Variants in SEMA5A observed in about 807,000 individuals in gnomAD.
SEMA5A encodes the protein semaphorin-5A.
A neutral mutation model predicts 135.5 loss-of-function variants in SEMA5A; 55 were observed. The observed-to-expected ratio is 0.41, with a 90% CI of 0.33 to 0.51. The LOEUF (loss-of-function observed/expected upper bound fraction) is 0.51. SEMA5A is among the 20% of genes least tolerant of loss of function. The pLI, the probability that SEMA5A is intolerant of heterozygous loss-of-function variation, is 0.37. For synonymous variants in SEMA5A, 580 were observed against 546.5 expected, an observed-to-expected ratio of 1.06 and a Z score of -0.85; for missense variants, 1,290 against 1,419.9, an observed-to-expected ratio of 0.91 and a Z score of 1.47.
chr5:9,416,495 C>T (rs181240853), intron 2 of SEMA5A, among the ~76,000 whole-genome samples: 75 of 152,272 alleles, frequency 4.9e-4, no homozygotes, highest in African/African-American at 1.6e-3. Flanking sequence ...GTAGTCAGGG[C>T]ATGCCTACCT....
At chr5:9,467,240 A>AT (rs1489329865) in intron 1 of SEMA5A, among the ~76,000 whole-genome samples, 1 of 152,026 alleles carries the variant, frequency 6.6e-6, no homozygotes, top group Non-Finnish European at 1.5e-5. Context: ...AGCCTCCTGA[A>AT]TAGCTGGGAT....
chr5:9,169,064 T>C (rs1223679914), intron 11 of SEMA5A, among the ~76,000 whole-genome samples: 1 of 152,056 alleles, frequency 6.6e-6, no homozygotes, highest in East Asian at 1.9e-4. Context: ...ATCCTGGGGG[T>C]CTAATGTACA....
At chr5:9,049,349 A>G (rs1184253913) in intron 21 of SEMA5A, among the ~76,000 whole-genome samples, 1 of 152,052 alleles carries the variant, frequency 6.6e-6, no homozygotes, top group East Asian at 1.9e-4. Context: ...TTTGGTACAG[A>G]TGGCATTTCG....
intron 12 of SEMA5A, among the ~76,000 whole-genome samples, chr5:9,146,190 C>T (rs528568515): frequency 3.3e-5 from 5 of 152,226 alleles, no homozygotes; most frequent in Admixed American, 3.3e-4. Context: ...CCAGCCCAAG[C>T]CTACCTTGGA....
intron 5 of SEMA5A, among the ~76,000 whole-genome samples, chr5:9,280,236 T>C (rs893964016): frequency 2.0e-5 from 3 of 152,214 alleles, no homozygotes; most frequent in African/African-American, 7.2e-5. Flanking sequence ...AGCAGATATC[T>C]CTGTATTCAA....
intron 4 of SEMA5A, among the ~76,000 whole-genome samples, chr5:9,332,677 G>A (rs1448489275): frequency 6.6e-6 from 1 of 152,170 alleles, no homozygotes; most frequent in Non-Finnish European, 1.5e-5. Context: ...ATTACATCAG[G>A]TATGTGAGGC....
At position 9,339,092 on chromosome 5, in the gene SEMA5A, CA is replaced by C. The variant is rs1753527365; in HGVS notation, c.125-1281del. ...CATATAAATTTCTACATTTTATAGG[CA>C]AATCAATTAAAATACGTAGAACAAG... On this transcript the variant is annotated intron_variant, in intron 3 of 22. Transcript: ENST00000382496. Among the ~76,000 whole-genome samples the C allele has an allele frequency of 2.0e-5, 3 of 151,794 alleles. No individual in the cohort carries two copies. In the South Asian group the frequency reaches 6.2e-4, roughly 32 times the overall value.
At chr5:9,513,235 G>C (rs1442391304) in intron 1 of SEMA5A, among the ~76,000 whole-genome samples, 1 of 151,690 alleles carries the variant, frequency 6.6e-6, no homozygotes, top group South Asian at 2.1e-4. Context: ...GGTAAATTTA[G>C]GGATGTTAAT....
intron 11 of SEMA5A, among the ~76,000 whole-genome samples, chr5:9,187,759 C>A (rs373423311): frequency 6.6e-6 from 1 of 152,176 alleles, no homozygotes; most frequent in Non-Finnish European, 1.5e-5. Context: ...CGAATCTCTG[C>A]GAAATGCATT....
At chr5:9,360,347 C>T (rs1754637871) in intron 3 of SEMA5A, among the ~76,000 whole-genome samples, 1 of 152,066 alleles carries the variant, frequency 6.6e-6, no homozygotes, top group Non-Finnish European at 1.5e-5. Flanking sequence ...ACAAAAGAGA[C>T]ATTTTAATAG....
intron 8 of SEMA5A, among the ~76,000 whole-genome samples, chr5:9,224,028 G>A (rs747250267): frequency 2.0e-5 from 3 of 152,142 alleles, no homozygotes; most frequent in Non-Finnish European, 4.4e-5. Flanking sequence ...TGCCACATGT[G>A]GATGCAATAC....
In SEMA5A at chr5:9,201,938, T is replaced by C. The variant is rs371304887; in HGVS notation, c.932+17A>G. 2.4e-5 allele frequency: 39 copies of C among 1,605,046 alleles called. No homozygotes were observed. The highest frequency in any genetic ancestry group is 5.4e-5 in the African/African-American group (4 of 74,638). On this transcript the variant is annotated intron_variant, in intron 9 of 22. Coordinates refer to ENST00000382496, the MANE Select transcript of SEMA5A (RefSeq NM_003966.3). ...TGAGTAAGAGAGAGGGGAGAAAAATTATTTCAAGTTACATACACATTGGTG... is the reference window on the plus strand; with the variant it reads ...TGAGTAAGAGAGAGGGGAGAAAAATCATTTCAAGTTACATACACATTGGTG...
intron 5 of SEMA5A, among the ~76,000 whole-genome samples, chr5:9,251,427 C>G (rs1441927502): frequency 6.6e-6 from 1 of 152,138 alleles, no homozygotes; most frequent in Non-Finnish European, 1.5e-5. Flanking sequence ...AGAATTCACA[C>G]TAAAGTTTCA....
intron 8 of SEMA5A, among the ~76,000 whole-genome samples, chr5:9,205,427 C>A (rs1439409949): frequency 6.6e-6 from 1 of 152,080 alleles, no homozygotes; most frequent in Non-Finnish European, 1.5e-5. Flanking sequence ...TCAAGGAGGG[C>A]CAACCATAGC....
At chr5:9,453,008 TACTC>T (rs1369310369) in intron 1 of SEMA5A, among the ~76,000 whole-genome samples, 1 of 152,180 alleles carries the variant, frequency 6.6e-6, no homozygotes, top group Non-Finnish European at 1.5e-5. Flanking sequence ...CCACCACAGA[TACTC>T]ACTGACATAG....
intron 6 of SEMA5A, among the ~76,000 whole-genome samples, chr5:9,237,260 T>C (rs902341354): frequency 3.9e-5 from 6 of 152,206 alleles, no homozygotes; most frequent in African/African-American, 1.4e-4. Context: ...CACGCATCTT[T>C]TTGAGCCAGA....
At chr5:9,527,307 C>T (rs1405836433) in intron 1 of SEMA5A, among the ~76,000 whole-genome samples, 1 of 152,128 alleles carries the variant, frequency 6.6e-6, no homozygotes, top group Non-Finnish European at 1.5e-5. Flanking sequence ...AGCAAGACTT[C>T]AATGCAGTCC....
chr5:9,536,946 G>A (rs1737801980), intron 1 of SEMA5A, among the ~76,000 whole-genome samples: 1 of 152,202 alleles, frequency 6.6e-6, no homozygotes, highest in Non-Finnish European at 1.5e-5. Context: ...GCCAGGCTGT[G>A]AAGTGAACAT....
intron 8 of SEMA5A, among the ~76,000 whole-genome samples, chr5:9,207,921 T>C (rs1246701697): frequency 6.6e-6 from 1 of 150,730 alleles, no homozygotes; most frequent in African/African-American, 2.4e-5. Flanking sequence ...AGATAATAGA[T>C]AGATTTTAAT....
Sources: gnomAD v4.1 joint callset for allele counts (sites outside exome capture counted in the v4.1 genomes callset) on GRCh38, gnomAD v4.1.1 for gene constraint, MANE v1.5 for transcripts, NCBI Gene and HGNC (gene_info 2026-07-23, HGNC 2026-07-21) for gene names.